Variants in CPA6 observed in about 807,000 individuals in gnomAD.
CPA6 encodes carboxypeptidase A6.
A neutral mutation model predicts 63.3 loss-of-function variants in CPA6; 58 were observed. The observed-to-expected ratio is 0.92, with a 90% CI of 0.74 to 1.14. The LOEUF (loss-of-function observed/expected upper bound fraction) is 1.14, where lower values mean the gene tolerates loss of function less well. Among genes scored for constraint, CPA6 ranks in the 50% most tolerant of loss-of-function variants. The pLI is 0.00. For missense variants in CPA6, 565 were observed against 526.6 expected (o/e 1.07, Z -0.71); for synonymous variants, 185 against 179.0 (o/e 1.03, Z -0.27).
chr8:67,616,501 ATGTGTGTGTGTGTGTGTGTGTG>A (rs4009134), intron 2 of CPA6, among the ~76,000 whole-genome samples: 10 of 126,948 alleles, frequency 7.9e-5, no homozygotes, highest in South Asian at 3.0e-4. Flanking sequence ...GGCAAATTGA[ATGTGTGTGTGTGTGTGTGTGTG>A]TGTGTGTGTG....
At chr8:67,618,995 G>A (rs750926139) in intron 2 of CPA6, among the ~76,000 whole-genome samples, 11 of 152,044 alleles carry the variant, frequency 7.2e-5, no homozygotes, top group East Asian at 1.9e-4. Flanking sequence ...TAATTCTTCC[G>A]CAAAACCATA....
chr8:67,556,397 C>T (rs1444760024), intron 2 of CPA6, among the ~76,000 whole-genome samples: 5 of 152,120 alleles, frequency 3.3e-5, no homozygotes, highest in African/African-American at 7.2e-5. Flanking sequence ...TGACATCCTG[C>T]GCTTCCACAC....
intron 1 of CPA6, among the ~76,000 whole-genome samples, chr8:67,645,278 G>A (rs953237861): frequency 6.6e-6 from 1 of 152,160 alleles, no homozygotes; most frequent in Non-Finnish European, 1.5e-5. Flanking sequence ...AATGGGACTT[G>A]ATAATTTATA....
At chr8:67,635,427 G>A (rs1434499008) in intron 1 of CPA6, among the ~76,000 whole-genome samples, 1 of 151,594 alleles carries the variant, frequency 6.6e-6, no homozygotes, top group Non-Finnish European at 1.5e-5. Context: ...CATATTGGAT[G>A]GTCTCATTTT....
rs558338774 is a variant in CPA6, at chr8:67,717,446, C to T, written c.116+28568G>A. 9.8e-5 allele frequency among the ~76,000 whole-genome samples: 15 copies of T among 152,312 alleles called. No individual in the cohort carries two copies. The South Asian group carries it at 3.1e-3, about 32-fold the overall frequency. On this transcript the variant is annotated intron_variant, in intron 1 of 10. Transcript: ENST00000297770. ...CCCAAATACAGACATATCAATCACA[C>T]ACTCTCTATAAAATTCTTCAAAAAC...
chr8:67,493,724 C>T (rs1287794901), intron 6 of CPA6, among the ~76,000 whole-genome samples: 4 of 152,110 alleles, frequency 2.6e-5, no homozygotes, highest in Non-Finnish European at 5.9e-5. Context: ...ACATAGACAG[C>T]AGACGAATAT....
chr8:67,498,659 CTG>C (rs1055866848), intron 6 of CPA6, among the ~76,000 whole-genome samples: 1 of 151,318 alleles, frequency 6.6e-6, no homozygotes, highest in Non-Finnish European at 1.5e-5. Flanking sequence ...TCCAGCATGT[CTG>C]TGTTCATCTT....
intron 6 of CPA6, among the ~76,000 whole-genome samples, chr8:67,505,284 G>A (rs541910575): frequency 1.2e-4 from 18 of 152,264 alleles, no homozygotes; most frequent in Non-Finnish European, 2.1e-4. Flanking sequence ...TACATGTTGG[G>A]ATTTAACAGT....
intron 9 of CPA6, among the ~76,000 whole-genome samples, chr8:67,432,798 C>T (rs1311311329): frequency 6.6e-6 from 1 of 152,128 alleles, no homozygotes; most frequent in African/African-American, 2.4e-5. Context: ...TGATAGTATG[C>T]AAAGCTCTTT....
intron 8 of CPA6, among the ~76,000 whole-genome samples, chr8:67,445,171 A>C (rs1810383643): frequency 6.6e-6 from 1 of 152,204 alleles, no homozygotes; most frequent in Admixed American, 6.5e-5. Flanking sequence ...CAAGTGAAGA[A>C]AATATATAAA....
intron 2 of CPA6, among the ~76,000 whole-genome samples, chr8:67,552,063 C>T (rs372737599): frequency 6.6e-5 from 10 of 152,282 alleles, no homozygotes; most frequent in African/African-American, 1.7e-4. Flanking sequence ...TATGTAAACA[C>T]GCTGTTAAAA....
rs866768323 is a variant in CPA6, at chr8:67,736,826, C to T, written c.116+9188G>A. Among the ~76,000 whole-genome samples, 3 of 152,200 alleles carry T rather than the reference C, an allele frequency of 2.0e-5. No homozygotes were observed. The South Asian group carries it at 6.2e-4, about 31-fold the overall frequency. On this transcript the variant is annotated intron_variant, in intron 1 of 10. Transcript: ENST00000297770. ...ACATATCCAAAAAAGTGCTTATCTT[C>T]TCTGCAAAGGGCAGTCTACTTACCT...
intron 8 of CPA6, among the ~76,000 whole-genome samples, chr8:67,475,802 TTTCTTTCTTTCTTTCCTTTC>T (rs1811174147): frequency 1.7e-5 from 1 of 57,766 alleles, no homozygotes; most frequent in African/African-American, 1.2e-4. Context: ...TCTTTCTTTC[TTTCTTTCTTTCTTTCCTTTC>T]TTTTCTTTCT....
At chr8:67,547,500 C>CTT (rs565207722) in intron 2 of CPA6, among the ~76,000 whole-genome samples, 107 of 134,960 alleles carry the variant, frequency 7.9e-4, no homozygotes, top group Middle Eastern at 3.9e-3. Context: ...GAATTATAGT[C>CTT]TTTTTTTTTT....
In CPA6 at chr8:67,434,060, G is replaced by GTTGCATAT. The variant is rs781569255; in HGVS notation, c.1011_1018dup (p.Thr340AsnfsTer19). On this transcript the variant is annotated frameshift_variant, in exon 9 of 11. Transcript: ENST00000297770. LOFTEE classifies it high-confidence loss of function. ...TACCACACATCTAAAATTGGGAATT[G>GTTGCATAT]TTGCATATTTGTAAGAATAGGGATA... 2 of 1,612,436 alleles carry GTTGCATAT rather than the reference G, an allele frequency of 1.2e-6. No individual in the cohort carries two copies. Among genetic ancestry groups the GTTGCATAT allele is most frequent in the South Asian group, 2.2e-5 (2 of 91,030 alleles).
chr8:67,688,661 T>A (rs1320174104), intron 1 of CPA6, among the ~76,000 whole-genome samples: 3 of 152,226 alleles, frequency 2.0e-5, no homozygotes, highest in Admixed American at 2.0e-4. Flanking sequence ...AGTTCTTTTC[T>A]GCCCCATTTT....
At chr8:67,513,276 AAAGT>A (rs1467221713) in intron 3 of CPA6, among the ~76,000 whole-genome samples, 1 of 152,200 alleles carries the variant, frequency 6.6e-6, no homozygotes, top group Non-Finnish European at 1.5e-5. Flanking sequence ...CAATATTGCT[AAAGT>A]AAGTCTTGAG....
chr8:67,678,791 A>G (rs1261279655), intron 1 of CPA6, among the ~76,000 whole-genome samples: 2 of 152,236 alleles, frequency 1.3e-5, no homozygotes, highest in African/African-American at 4.8e-5. Flanking sequence ...ACCAGTAGAC[A>G]TGTACAGGAA....
chr8:67,627,795 C>T (rs1425691386), intron 1 of CPA6, among the ~76,000 whole-genome samples: 4 of 152,152 alleles, frequency 2.6e-5, no homozygotes, highest in Non-Finnish European at 4.4e-5. Flanking sequence ...ATAAAGCCCA[C>T]GTTGAGTTTG....
Sources: gnomAD v4.1 joint callset for allele counts (sites outside exome capture counted in the v4.1 genomes callset) on GRCh38, gnomAD v4.1.1 for gene constraint, MANE v1.5 for transcripts, NCBI Gene and HGNC (gene_info 2026-07-23, HGNC 2026-07-21) for gene names.